The following CHD5 variants were observed in gnomAD, a reference collection of about 807,000 sequenced individuals.
The protein encoded by CHD5 is ATP-dependent chromatin remodeler CHD5.
CHD5 carries 69 observed loss-of-function variants against 230.3 expected under a neutral mutation model. That is an observed-to-expected ratio of 0.30 (90% CI 0.25 to 0.37). CHD5 has a LOEUF of 0.37. CHD5 is among the 10% of genes least tolerant of loss of function. CHD5 has a pLI of 1.00. For synonymous variants in CHD5, 1,064 were observed against 1,065.9 expected (o/e 1.00, Z 0.03); for missense variants, 1,827 against 2,622.8 (o/e 0.70, Z 6.63).
chr1:6,160,314 C>T (rs12736131), intron 2 of CHD5, among the ~76,000 whole-genome samples: 4 of 92,118 alleles, frequency 4.3e-5, no homozygotes, highest in Admixed American at 1.0e-4. Flanking sequence ...GGGAAGGGCC[C>T]CAGCCAGGGA....
chr1:6,103,722 G>T lies in CHD5; in HGVS notation c.*1752C>A, dbSNP rs976147735. 1 of 152,290 alleles carries T rather than the reference G, an allele frequency of 6.6e-6. No homozygotes were observed. Among genetic ancestry groups the T allele is most frequent in the African/African-American group, 2.4e-5 (1 of 41,452 alleles). The allele number at this position is 152,290 out of a possible 1,614,324, so 9.4% of individuals were successfully genotyped here. On this transcript the variant is annotated 3_prime_UTR_variant, in exon 42 of 42. Coordinates refer to ENST00000262450, the MANE Select transcript of CHD5 (RefSeq NM_015557.3). ...CCACTACGCCCACGTGCAGTGTCAG[G>T]GTCGGGCTGGCCTTGCAGACCTGGA...
intron 1 of CHD5, among the ~76,000 whole-genome samples, chr1:6,177,237 C>T (rs943511443): frequency 5.3e-5 from 8 of 152,160 alleles, no homozygotes; most frequent in African/African-American, 1.4e-4. Flanking sequence ...TGGGGGTCAC[C>T]GCCACTGAGC....
Position 6,155,182 on chromosome 1 carries a change from C to T in CHD5, c.507-284G>A, listed in dbSNP as rs563390324. ...GCTTCCTGTCCACACCCACAGCCCA[C>T]CCCCAAAACACCCCAGCTTCCTGTC... On this transcript the variant is annotated intron_variant, in intron 4 of 41. Transcript: ENST00000262450. This position sits in a 1 kb window ranked among gnomAD's most constrained non-coding sequence, Gnocchi z 4.0. Among the ~76,000 whole-genome samples the T allele has an allele frequency of 2.2e-4, 31 of 140,074 alleles. 1 individual carries two copies. The highest frequency in any genetic ancestry group is 7.1e-4 in the African/African-American group (28 of 39,552). 91.9% of individuals were successfully genotyped at this position (140,074 alleles called of 152,430 possible). A position where few individuals can be genotyped will look rare whatever the true frequency, so the allele number is the denominator to read the frequency against.
chr1:6,137,354 A>G (rs2785583), intron 15 of CHD5, among the ~76,000 whole-genome samples: 70,138 of 152,048 alleles, frequency 0.46, 16,953 homozygotes, highest in East Asian at 0.81. Flanking sequence ...TGAACCGCCC[A>G]CCTCGACCTC....
chr1:6,148,895 G>A lies in CHD5; in HGVS notation c.1342C>T (p.Pro448Ser). The A allele has an allele frequency of 1.3e-6, 2 of 1,586,338 alleles. No homozygotes were observed. The highest frequency in any genetic ancestry group is 1.7e-6 in the Non-Finnish European group (2 of 1,165,194). Residue 448 changes from proline (P) to serine (S), a missense_variant, in exon 9 of 42, where the codon CCC (proline) becomes TCC (serine). Physicochemically the swap from Pro to Ser is moderately conservative, Grantham distance 74 (BLOSUM62 -1). Around this residue, in one of 14 missense-constraint regions of CHD5, gnomAD observed 657 missense variants for 816.4 expected, o/e 0.80. Transcript: ENST00000262450. ...YHLHCLNPPL[P>S]EIPNGEWLCP... is the part of the protein sequence containing the mutation. ...AGCCATTCACCGTTTGGGATCTCGG[G>A]CAGCGGCGGGTTGAGGCAATGCAGG...
At position 6,104,051 on chromosome 1, in the gene CHD5, G is replaced by A. The variant is rs1001395931; in HGVS notation, c.*1423C>T. 6.6e-6 allele frequency: 1 copy of A among 152,104 alleles called. No individual in the cohort carries two copies. Among genetic ancestry groups the A allele is most frequent in the African/African-American group, 2.4e-5 (1 of 41,370 alleles). 9.4% of individuals were successfully genotyped at this position (152,104 alleles called of 1,614,324 possible). A position where few individuals can be genotyped will look rare whatever the true frequency, so the allele number is the denominator to read the frequency against. On this transcript the variant is annotated 3_prime_UTR_variant, in exon 42 of 42. Transcript: ENST00000262450. ...TCTGCACCCCAAGGCACCTTCCCTG[G>A]GAAGGTCCCAGTACAAGACTCAGAA...
intron 15 of CHD5, among the ~76,000 whole-genome samples, chr1:6,139,943 A>G (rs950343329): frequency 6.6e-6 from 1 of 152,012 alleles, no homozygotes; most frequent in African/African-American, 2.4e-5. Flanking sequence ...ACAGTTTCCG[A>G]GCATCTCTAA....
At chr1:6,166,967 C>CCAAA (rs1667266195) in intron 2 of CHD5, among the ~76,000 whole-genome samples, 1 of 152,174 alleles carries the variant, frequency 6.6e-6, no homozygotes, top group African/African-American at 2.4e-5. Flanking sequence ...GACAAGCTCC[C>CCAAA]CAAACCCACC....
At chr1:6,141,635 T>A (rs917630654) in intron 15 of CHD5, among the ~76,000 whole-genome samples, 1 of 151,842 alleles carries the variant, frequency 6.6e-6, no homozygotes, top group African/African-American at 2.4e-5. Flanking sequence ...ATAAATAAAA[T>A]AAGTAGCTAA....
chr1:6,135,976 C>T (rs1571152508), intron 17 of CHD5, among the ~76,000 whole-genome samples: 1 of 152,098 alleles, frequency 6.6e-6, no homozygotes, highest in Non-Finnish European at 1.5e-5. Flanking sequence ...AGCCACTGCA[C>T]TCTGGCCTGG....
intron 2 of CHD5, among the ~76,000 whole-genome samples, chr1:6,162,024 A>AATTT (rs1178498054): frequency 6.6e-6 from 1 of 152,194 alleles, no homozygotes; most frequent in East Asian, 1.9e-4. Context: ...TAGCGAGCTA[A>AATTT]ACCTCAGCTT....
rs973401897 is a variant in CHD5, at chr1:6,180,317, G to A, written c.-294C>T. ...GCGGCGGCAGCGCCAGAGGCACGGCGGCACGGCGGGGGGGCGGCACACATG... is the reference window on the plus strand; with the variant it reads ...GCGGCGGCAGCGCCAGAGGCACGGCAGCACGGCGGGGGGGCGGCACACATG... On this transcript the variant is annotated 5_prime_UTR_variant, in exon 1 of 42. Transcript: ENST00000262450. 6.6e-6 allele frequency among the ~76,000 whole-genome samples: 1 copy of A among 151,330 alleles called. No homozygotes were observed. The highest frequency in any genetic ancestry group is 2.4e-5 in the African/African-American group (1 of 41,196).
At chr1:6,153,549 C>G (rs1428750370) in intron 5 of CHD5, among the ~76,000 whole-genome samples, 2 of 152,218 alleles carry the variant, frequency 1.3e-5, no homozygotes, top group Non-Finnish European at 2.9e-5. Flanking sequence ...CCCAAATCAG[C>G]CAGACGCGGT....
In CHD5 at chr1:6,105,404, G is replaced by A. The variant is rs556681526; in HGVS notation, c.*70C>T. The A allele has an allele frequency of 6.2e-5, 29 of 470,702 alleles. No homozygotes were observed. The highest frequency in any genetic ancestry group is 2.0e-4 in the African/African-American group (10 of 50,200). The allele number at this position is 470,702 out of a possible 1,614,324, so 29.2% of individuals were successfully genotyped here. ...GCAGCTTTTCTCTCCCATGTGGGTC[G>A]GGCAGGTGGCCCGGCAGGCGTGGCT... is the stretch of plus-strand genomic sequence containing the variant. On this transcript the variant is annotated 3_prime_UTR_variant, in exon 42 of 42. Coordinates refer to ENST00000262450, the MANE Select transcript of CHD5 (RefSeq NM_015557.3). This position sits in a 1 kb window ranked among gnomAD's most constrained non-coding sequence, Gnocchi z 4.8.
rs987593057 is a variant in CHD5 at position 6,154,577 on chromosome 1, C to T, written c.745+83G>A. The T allele has an allele frequency of 8.8e-5, 114 of 1,301,252 alleles. No individual in the cohort carries two copies. The highest frequency in any genetic ancestry group is 1.1e-4 in the Non-Finnish European group (106 of 961,306). 80.6% of individuals were successfully genotyped at this position (1,301,252 alleles called of 1,614,324 possible). ...CACCCCAGCTGCCCCTCCCTGCCCGCGTCTGCCCCGTGGCTTCTCCTATAG... is the reference window on the plus strand; with the variant it reads ...CACCCCAGCTGCCCCTCCCTGCCCGTGTCTGCCCCGTGGCTTCTCCTATAG... On this transcript the variant is annotated intron_variant, in intron 5 of 41. Coordinates refer to ENST00000262450, the MANE Select transcript of CHD5 (RefSeq NM_015557.3). The surrounding 1 kb of genome is among the most constrained non-coding windows in gnomAD (Gnocchi z 7.0).
chr1:6,145,024 G>A (rs1406713263), intron 11 of CHD5, among the ~76,000 whole-genome samples: 2 of 152,186 alleles, frequency 1.3e-5, no homozygotes, highest in African/African-American at 4.8e-5. Context: ...TTTAGTAAAG[G>A]TAGAAAACCA....
chr1:6,131,831 GGGA>G lies in CHD5; in HGVS notation c.3145-86_3145-84del. 1.2e-6 allele frequency: 1 copy of G among 801,294 alleles called. No individual in the cohort carries two copies. Among genetic ancestry groups the G allele is most frequent in the Non-Finnish European group, 2.1e-6 (1 of 468,064 alleles). 49.6% of individuals were successfully genotyped at this position (801,294 alleles called of 1,614,324 possible). ...TGGGCGGGGACCCCGCCACAGGCAGGGGAGGAGAGAGCTGCCTGCTAGGTGGGG... is the reference window on the plus strand; with the variant it reads ...TGGGCGGGGACCCCGCCACAGGCAGGGGAGAGAGCTGCCTGCTAGGTGGGG... On this transcript the variant is annotated intron_variant, in intron 20 of 41. Transcript: ENST00000262450. This position sits in a 1 kb window ranked among gnomAD's most constrained non-coding sequence, Gnocchi z 5.0.
chr1:6,117,138 G>A (rs1666390423), intron 33 of CHD5, among the ~76,000 whole-genome samples: 1 of 151,898 alleles, frequency 6.6e-6, no homozygotes, highest in South Asian at 2.1e-4. Flanking sequence ...TCCAAGAGAT[G>A]GCAGGAAAAG....
chr1:6,171,576 T>C (rs917106224), intron 1 of CHD5, among the ~76,000 whole-genome samples: 4 of 152,054 alleles, frequency 2.6e-5, no homozygotes, highest in Non-Finnish European at 4.4e-5. Flanking sequence ...TTGGACACTC[T>C]CTGCTCCCGC....
Sources: gnomAD v4.1 joint callset for allele counts (sites outside exome capture counted in the v4.1 genomes callset) on GRCh38, gnomAD v4.1.1 for gene constraint, gnomAD v4.1.1 regional missense constraint, Gnocchi (gnomAD v3.1) non-coding constraint, MANE v1.5 for transcripts, NCBI Gene and HGNC (gene_info 2026-07-23, HGNC 2026-07-21) for gene names.